Variants in REV3L observed in about 807,000 individuals in gnomAD.
The protein encoded by REV3L is REV3 like, DNA directed polymerase zeta catalytic subunit.
REV3L carries 69 observed loss-of-function variants against 299.4 expected under a neutral mutation model. The observed-to-expected ratio is 0.23, with a 90% CI of 0.19 to 0.28. The LOEUF (loss-of-function observed/expected upper bound fraction) is 0.28. REV3L is among the 10% of genes least tolerant of loss of function. REV3L has a pLI of 1.00. For synonymous variants in REV3L, 1,238 were observed against 1,271.4 expected, an observed-to-expected ratio of 0.97 and a Z score of 0.56; for missense variants, 3,128 against 3,693.8, an observed-to-expected ratio of 0.85 and a Z score of 3.97.
At chr6:111,431,654 AC>A (rs2128299323) in intron 1 of REV3L, 1 of 864,458 alleles carries the variant, frequency 1.2e-6, no homozygotes, top group South Asian at 1.4e-5. Flanking sequence ...ATAAGCACAT[AC>A]GGAGTTTGAA....
At chr6:111,323,630 T>C (rs1377153968) in intron 25 of REV3L, among the ~76,000 whole-genome samples, 1 of 152,166 alleles carries the variant, frequency 6.6e-6, no homozygotes, top group African/African-American at 2.4e-5. Context: ...TTGACAAATA[T>C]GAGAAGCATG....
intron 6 of REV3L, 70 bp downstream of exon 6, chr6:111,390,016 G>A: frequency 2.8e-6 from 3 of 1,075,072 alleles, no homozygotes; most frequent in Non-Finnish European, 4.2e-6. Context: ...TTACAGGCGT[G>A]AGCCACCACA....
At chr6:111,394,648 T>C (rs1782286603) in intron 4 of REV3L, among the ~76,000 whole-genome samples, 1 of 152,116 alleles carries the variant, frequency 6.6e-6, no homozygotes, top group Non-Finnish European at 1.5e-5. Flanking sequence ...CCTGTGCTTT[T>C]GAAGTCTTAG....
chr6:111,446,018 T>C (rs1348867783), intron 1 of REV3L, among the ~76,000 whole-genome samples: 1 of 152,196 alleles, frequency 6.6e-6, no homozygotes, highest in Middle Eastern at 3.2e-3. Context: ...AGGAAGTCCC[T>C]TTACACAACA....
intron 4 of REV3L, among the ~76,000 whole-genome samples, chr6:111,403,300 T>C (rs1783275701): frequency 1.3e-5 from 2 of 152,240 alleles, no homozygotes; most frequent in Admixed American, 6.5e-5. Context: ...GAAAATGTTC[T>C]GAATTTGTGG....
intron 1 of REV3L, among the ~76,000 whole-genome samples, chr6:111,439,605 G>A (rs1788004242): frequency 6.6e-6 from 1 of 152,174 alleles, no homozygotes; most frequent in African/African-American, 2.4e-5. Flanking sequence ...TCGTTTTGAA[G>A]TATGGTCTTC....
intron 24 of REV3L, 109 bp from the exon 25 acceptor site, chr6:111,329,847 G>T (rs1392567605): frequency 1.3e-6 from 1 of 782,346 alleles, no homozygotes; most frequent in African/African-American, 1.7e-5. Context: ...ATTGAAACAT[G>T]CTAACAACAG....
rs548603743 is a variant in REV3L at position 111,455,426 on chromosome 6, T to C, written c.139+27324A>G. Among the ~76,000 whole-genome samples the C allele has an allele frequency of 3.9e-5, 6 of 152,230 alleles. No homozygotes were observed. In the South Asian group the frequency reaches 1.2e-3, roughly 32 times the overall value. ...AGTTCAGACTGAAAAGCAAAGTGCT[T>C]GAGGGAGAAGCAGAAGATGATGCTG... On this transcript the variant is annotated intron_variant, in intron 1 of 31. Transcript: ENST00000368802.
chr6:111,349,715 T>C (rs1409709473), intron 19 of REV3L, among the ~76,000 whole-genome samples: 2 of 152,206 alleles, frequency 1.3e-5, no homozygotes, highest in Non-Finnish European at 2.9e-5. Flanking sequence ...TACAGGTGCC[T>C]GATGCTACCT....
At chr6:111,440,812 G>T (rs190700763) in intron 1 of REV3L, among the ~76,000 whole-genome samples, 9 of 152,216 alleles carry the variant, frequency 5.9e-5, no homozygotes, top group Admixed American at 5.9e-4. Flanking sequence ...ATGTTTATTT[G>T]TCTGAGAAAG....
chr6:111,395,700 G>C (rs565684020), intron 4 of REV3L, among the ~76,000 whole-genome samples: 9 of 152,044 alleles, frequency 5.9e-5, no homozygotes, highest in South Asian at 4.1e-4. Context: ...TTACCTGATT[G>C]CTATGGCTAG....
At chr6:111,371,625 G>A (rs1050280337) in intron 13 of REV3L, among the ~76,000 whole-genome samples, 4 of 150,934 alleles carry the variant, frequency 2.7e-5, no homozygotes, top group African/African-American at 4.9e-5. Flanking sequence ...GTGCAGTGGC[G>A]TGATCTCAGC....
At chr6:111,420,135 G>A (rs1168697883) in intron 1 of REV3L, among the ~76,000 whole-genome samples, 1 of 152,096 alleles carries the variant, frequency 6.6e-6, no homozygotes, top group Non-Finnish European at 1.5e-5. Context: ...GTGAGCCACC[G>A]CGCCCGGCCA....
intron 1 of REV3L, among the ~76,000 whole-genome samples, chr6:111,421,320 A>G (rs576460911): frequency 3.3e-5 from 5 of 152,310 alleles, no homozygotes; most frequent in African/African-American, 1.2e-4. Context: ...ATAAACACAA[A>G]GACTAAATGT....
At chr6:111,364,100 T>A (rs1006308573) in intron 15 of REV3L, 122 bp from the exon 16 acceptor site, 34 of 1,305,528 alleles carry the variant, frequency 2.6e-5, no homozygotes, top group Non-Finnish European at 3.1e-5. Context: ...TAAACTAATA[T>A]CATCTCTAAG....
chr6:111,302,750 A>C (rs1407260400), intron 31 of REV3L, among the ~76,000 whole-genome samples: 1 of 152,040 alleles, frequency 6.6e-6, no homozygotes, highest in Non-Finnish European at 1.5e-5. Context: ...AAAAATACGA[A>C]AATTAGCTGG....
chr6:111,465,745 C>CAAAAAAAAAAAAAAAAAAA (rs376561912), intron 1 of REV3L, among the ~76,000 whole-genome samples: 6 of 76,822 alleles, frequency 7.8e-5, no homozygotes, highest in Admixed American at 3.4e-4. Flanking sequence ...AAACAAAAAC[C>CAAAAAAAAAAAAAAAAAAA]AAAAAAAAAA....
chr6:111,329,348 T>C (rs972451275), intron 25 of REV3L, among the ~76,000 whole-genome samples, 184 bp downstream of exon 25: 4 of 152,126 alleles, frequency 2.6e-5, no homozygotes, highest in Non-Finnish European at 5.9e-5. Context: ...TGGCCTTTTT[T>C]TTTTTTTTTT....
chr6:111,479,629 C>T (rs1392524258), intron 1 of REV3L, among the ~76,000 whole-genome samples: 1 of 151,366 alleles, frequency 6.6e-6, no homozygotes, highest in Non-Finnish European at 1.5e-5. Flanking sequence ...CCTGTCTCAG[C>T]TTTCCAAATA....
Sources: gnomAD v4.1 joint callset for allele counts (sites outside exome capture counted in the v4.1 genomes callset) on GRCh38, gnomAD v4.1.1 for gene constraint, MANE v1.5 for transcripts, NCBI Gene and HGNC (gene_info 2026-07-23, HGNC 2026-07-21) for gene names.